Variants in ROBO2 observed in about 807,000 individuals in gnomAD.
ROBO2 encodes roundabout homolog 2.
Under a neutral mutation model 160.8 loss-of-function variants are expected in ROBO2, and 53 were observed. The observed-to-expected ratio is 0.33, with a 90% CI of 0.26 to 0.41. ROBO2 has a LOEUF of 0.41. Among genes scored for constraint, ROBO2 ranks in the 10% least tolerant of loss-of-function variants. The probability of loss-of-function intolerance (pLI) is 1.00; values close to 1 mark genes in which losing one functional copy is unlikely to be tolerated. For synonymous variants in ROBO2, 664 were observed against 611.7 expected (o/e 1.09, Z -1.26); for missense variants, 1,577 against 1,722.4 (o/e 0.92, Z 1.49).
At chr3:77,206,542 T>C (rs1254537414) in intron 2 of ROBO2, among the ~76,000 whole-genome samples, 6 of 152,146 alleles carry the variant, frequency 3.9e-5, no homozygotes, top group Admixed American at 3.9e-4. Flanking sequence ...TTAACTTGAT[T>C]ATGCCTGCAA....
chr3:76,441,963 G>A (rs1274925211), intron 2 of ROBO2, among the ~76,000 whole-genome samples: 5 of 152,314 alleles, frequency 3.3e-5, no homozygotes, highest in East Asian at 3.9e-4. Flanking sequence ...AAAGAAGAGA[G>A]AGAGAGAAAG....
intron 2 of ROBO2, among the ~76,000 whole-genome samples, chr3:76,171,604 T>A (rs143173188): frequency 6.6e-6 from 1 of 152,096 alleles, no homozygotes; most frequent in Admixed American, 6.6e-5. Context: ...TTATTTTTCC[T>A]CTTTTTTCTC....
intron 2 of ROBO2, among the ~76,000 whole-genome samples, chr3:76,095,777 CACACACACACAA>C (rs534519839): frequency 2.6e-3 from 277 of 107,526 alleles, no homozygotes; most frequent in African/African-American, 0.011. Context: ...CACACACACA[CACACACACACAA>C]GATAATCATC....
intron 2 of ROBO2, among the ~76,000 whole-genome samples, chr3:77,229,967 ATAAAT>A (rs1374777849): frequency 6.6e-6 from 1 of 152,232 alleles, no homozygotes; most frequent in African/African-American, 2.4e-5. Flanking sequence ...TGGTGAAAGT[ATAAAT>A]TAAAGTAAAC....
At chr3:77,256,999 CCATATCT>C (rs2153321463) in intron 2 of ROBO2, among the ~76,000 whole-genome samples, 1 of 152,250 alleles carries the variant, frequency 6.6e-6, no homozygotes, top group South Asian at 2.1e-4. Context: ...CCCCTCAGCC[CCATATCT>C]CAGCAGAGAT....
intron 2 of ROBO2, among the ~76,000 whole-genome samples, chr3:76,318,212 T>C (rs2072207769): frequency 6.6e-6 from 1 of 152,114 alleles, no homozygotes; most frequent in Non-Finnish European, 1.5e-5. Context: ...GAATTTTACT[T>C]ACAAATAGAC....
intron 2 of ROBO2, among the ~76,000 whole-genome samples, chr3:77,283,769 T>C (rs1252907007): frequency 6.6e-6 from 1 of 152,090 alleles, no homozygotes; most frequent in Non-Finnish European, 1.5e-5. Flanking sequence ...TAAGAGTAAC[T>C]TTTTTTGCAG....
chr3:76,137,814 TC>T (rs2106730445), intron 2 of ROBO2, among the ~76,000 whole-genome samples: 1 of 152,092 alleles, frequency 6.6e-6, no homozygotes, highest in East Asian at 1.9e-4. Context: ...ATTGTATCTC[TC>T]TAATTCTTCT....
chr3:77,253,902 G>T (rs1226024401), intron 2 of ROBO2, among the ~76,000 whole-genome samples: 1 of 151,948 alleles, frequency 6.6e-6, no homozygotes, highest in Non-Finnish European at 1.5e-5. Flanking sequence ...GAAATATTTT[G>T]TTCAAAATAA....
intron 2 of ROBO2, among the ~76,000 whole-genome samples, chr3:76,555,358 G>GAGAAGAAGAAGAAGAAGAAAAGA (rs2083652529): frequency 3.3e-4 from 19 of 57,982 alleles, no homozygotes; most frequent in African/African-American, 9.9e-4. Context: ...AGTAGGAAGA[G>GAGAAGAAGAAGAAGAAGAAAAGA]AGAAGAAGAA....
intron 23 of ROBO2, among the ~76,000 whole-genome samples, chr3:77,627,594 G>A (rs56817720): frequency 0.038 from 5,845 of 152,140 alleles, 223 homozygotes; most frequent in East Asian, 0.2. Flanking sequence ...TCTGAGGCAC[G>A]CAGGTGGAAT....
intron 2 of ROBO2, among the ~76,000 whole-genome samples, chr3:76,392,199 A>T (rs1003306605): frequency 6.6e-6 from 1 of 152,206 alleles, no homozygotes; most frequent in African/African-American, 2.4e-5. Flanking sequence ...TAGAAAATTG[A>T]TGTACCCTTT....
intron 23 of ROBO2, among the ~76,000 whole-genome samples, chr3:77,626,916 T>C (rs2095039852): frequency 6.6e-6 from 1 of 152,166 alleles, no homozygotes; most frequent in South Asian, 2.1e-4. Flanking sequence ...ATGGAAACAA[T>C]GAAACCTGGT....
chr3:77,337,589 A>C (rs922657239), intron 2 of ROBO2, among the ~76,000 whole-genome samples: 1 of 152,186 alleles, frequency 6.6e-6, no homozygotes, highest in Admixed American at 6.6e-5. Flanking sequence ...TATGTTTCTT[A>C]TATTGTTACT....
At chr3:77,534,166 T>G (rs562143648) in intron 6 of ROBO2, among the ~76,000 whole-genome samples, 38 of 152,238 alleles carry the variant, frequency 2.5e-4, no homozygotes, top group African/African-American at 9.1e-4. Flanking sequence ...TTTGTGGTTT[T>G]GGGGCTATAG....
At chr3:77,107,865 A>G (rs2073019219) in intron 2 of ROBO2, among the ~76,000 whole-genome samples, 1 of 152,198 alleles carries the variant, frequency 6.6e-6, no homozygotes. Flanking sequence ...TGGAAATGAA[A>G]TGTAACTATT....
intron 2 of ROBO2, among the ~76,000 whole-genome samples, chr3:76,910,409 A>G (rs1225087614): frequency 6.6e-6 from 1 of 152,024 alleles, no homozygotes; most frequent in Non-Finnish European, 1.5e-5. Flanking sequence ...TGAATGGGCT[A>G]TGGAAAGGGG....
At chr3:77,382,943 CA>C (rs1309764040) in intron 2 of ROBO2, among the ~76,000 whole-genome samples, 3 of 152,074 alleles carry the variant, frequency 2.0e-5, no homozygotes, top group African/African-American at 7.2e-5. Flanking sequence ...AACATGCCAA[CA>C]AAATACTTTT....
intron 12 of ROBO2, among the ~76,000 whole-genome samples, chr3:77,565,604 A>C (rs2093456584): frequency 6.6e-6 from 1 of 152,096 alleles, no homozygotes; most frequent in Non-Finnish European, 1.5e-5. Flanking sequence ...TTTCAGGCTC[A>C]AATTCAAACG....
Sources: allele counts gnomAD v4.1 joint callset (sites outside exome capture counted in the v4.1 genomes callset), GRCh38; gene constraint gnomAD v4.1.1; transcripts MANE v1.5; gene names NCBI Gene and HGNC (gene_info 2026-07-23, HGNC 2026-07-21).